The following GBE1 variants were observed in gnomAD, a reference collection of about 807,000 sequenced individuals.
GBE1 encodes 1,4-alpha-glucan branching enzyme 1.
Under a neutral mutation model 88.8 loss-of-function variants are expected in GBE1, and 70 were observed. That is an observed-to-expected ratio of 0.79 (90% confidence interval 0.65 to 0.96). The LOEUF (loss-of-function observed/expected upper bound fraction) is 0.96, where lower values mean the gene tolerates loss of function less well. GBE1 is among the 40% of genes least tolerant of loss of function. The pLI, the probability that GBE1 is intolerant of heterozygous loss-of-function variation, is 0.00. For synonymous variants in GBE1, 284 were observed against 300.1 expected (o/e 0.95, Z 0.56); for missense variants, 872 against 871.0 (o/e 1.00, Z -0.01).
At chr3:81,665,553 G>C (rs1167881650) in intron 3 of GBE1, among the ~76,000 whole-genome samples, 1 of 141,582 alleles carries the variant, frequency 7.1e-6, no homozygotes, top group South Asian at 2.2e-4. Context: ...AAAAAAAAAA[G>C]ACATGAGACT....
At chr3:81,638,302 G>GGAGGAAAAA (rs1338218119) in intron 7 of GBE1, among the ~76,000 whole-genome samples, 1 of 152,040 alleles carries the variant, frequency 6.6e-6, no homozygotes, top group African/African-American at 2.4e-5. Flanking sequence ...ATAAGTTTAA[G>GGAGGAAAAA]GAGGAAAAAC....
intron 7 of GBE1, among the ~76,000 whole-genome samples, chr3:81,609,457 T>C (rs1704144001): frequency 6.6e-6 from 1 of 152,168 alleles, no homozygotes. Flanking sequence ...TAAAGTCAGA[T>C]TTTACTCTCA....
chr3:81,511,584 T>G (rs1456975557), intron 14 of GBE1, among the ~76,000 whole-genome samples: 1 of 151,494 alleles, frequency 6.6e-6, no homozygotes, highest in Non-Finnish European at 1.5e-5. Context: ...ATGAAAAAAA[T>G]GCTCAACATC....
intron 1 of GBE1, among the ~76,000 whole-genome samples, chr3:81,732,781 T>C (rs1359665596): frequency 2.6e-5 from 4 of 152,128 alleles, no homozygotes; most frequent in Non-Finnish European, 4.4e-5. Context: ...AAGTCATAAG[T>C]TCATGTCATT....
intron 12 of GBE1, among the ~76,000 whole-genome samples, chr3:81,543,388 G>A (rs1009544942): frequency 3.9e-5 from 6 of 152,012 alleles, no homozygotes; most frequent in Admixed American, 2.6e-4. Context: ...TAAGTTTAAT[G>A]TAGACAAACG....
chr3:81,675,418 C>T (rs1705238981), intron 2 of GBE1, among the ~76,000 whole-genome samples: 1 of 151,746 alleles, frequency 6.6e-6, no homozygotes. Context: ...TCTCAGAGAT[C>T]AAGGAATTTA....
chr3:81,746,346 T>C (rs1016283395), intron 1 of GBE1, among the ~76,000 whole-genome samples: 9 of 152,158 alleles, frequency 5.9e-5, no homozygotes, highest in African/African-American at 9.7e-5. Flanking sequence ...CACTGCAGCA[T>C]TGACTTCCCA....
At chr3:81,503,897 C>T (rs1426990193) in intron 14 of GBE1, among the ~76,000 whole-genome samples, 1 of 152,098 alleles carries the variant, frequency 6.6e-6, no homozygotes, top group Non-Finnish European at 1.5e-5. Flanking sequence ...GCAGACCATA[C>T]ATATAGGAAG....
intron 1 of GBE1, among the ~76,000 whole-genome samples, chr3:81,721,903 A>G (rs1434163228): frequency 6.6e-6 from 1 of 152,208 alleles, no homozygotes; most frequent in Non-Finnish European, 1.5e-5. Context: ...TCTGTATGTT[A>G]AAAATTCTGT....
chr3:81,621,689 C>A (rs1263260133), intron 7 of GBE1, among the ~76,000 whole-genome samples: 1 of 152,270 alleles, frequency 6.6e-6, no homozygotes, highest in South Asian at 2.1e-4. Context: ...CTTTACATCA[C>A]TCTCCTAGTC....
chr3:81,612,538 G>T, intron 7 of GBE1: 2 of 841,464 alleles, frequency 2.4e-6, no homozygotes, highest in Non-Finnish European at 2.0e-6. Context: ...CAAGCAGTGC[G>T]AACACTGGTG....
chr3:81,499,995 G>A (rs1036332817), intron 14 of GBE1, among the ~76,000 whole-genome samples: 1 of 151,922 alleles, frequency 6.6e-6, no homozygotes, highest in Non-Finnish European at 1.5e-5. Context: ...TTTTTGTTTT[G>A]ATTTCCTGGA....
intron 1 of GBE1, among the ~76,000 whole-genome samples, chr3:81,759,451 C>A (rs3772882): frequency 0.45 from 68,064 of 152,034 alleles, 16,318 homozygotes; most frequent in East Asian, 0.86. Context: ...AATGGATTAT[C>A]AGAAATAAAT....
intron 12 of GBE1, among the ~76,000 whole-genome samples, chr3:81,548,542 A>T (rs1159242276): frequency 6.6e-6 from 1 of 151,304 alleles, no homozygotes; most frequent in Non-Finnish European, 1.5e-5. Flanking sequence ...TTGTTACATA[A>T]AATCATATGC....
chr3:81,679,978 C>T (rs928584632), intron 2 of GBE1, among the ~76,000 whole-genome samples: 1 of 152,132 alleles, frequency 6.6e-6, no homozygotes, highest in Non-Finnish European at 1.5e-5. Flanking sequence ...TCTATCTGGC[C>T]GCGCTTTCTC....
At chr3:81,727,915 C>T (rs925296498) in intron 1 of GBE1, among the ~76,000 whole-genome samples, 2 of 152,042 alleles carry the variant, frequency 1.3e-5, no homozygotes, top group African/African-American at 4.8e-5. Flanking sequence ...TGACACCTAG[C>T]CAGAATTGCC....
At chr3:81,618,708 G>T (rs1248473764) in intron 7 of GBE1, among the ~76,000 whole-genome samples, 1 of 152,040 alleles carries the variant, frequency 6.6e-6, no homozygotes, top group Non-Finnish European at 1.5e-5. Flanking sequence ...ATCTCCCTTT[G>T]TATTAAGAGG....
At chr3:81,497,832 T>G (rs1005820139) in intron 15 of GBE1, among the ~76,000 whole-genome samples, 1 of 152,208 alleles carries the variant, frequency 6.6e-6, no homozygotes, top group African/African-American at 2.4e-5. Flanking sequence ...CTCTTTTGAT[T>G]ATTTCAGAAC....
intron 14 of GBE1, among the ~76,000 whole-genome samples, chr3:81,527,810 G>A (rs1450860133): frequency 6.6e-6 from 1 of 152,058 alleles, no homozygotes; most frequent in Admixed American, 6.6e-5. Context: ...ACAGTGTGGC[G>A]ATTCCTCAGG....
Sources: allele counts gnomAD v4.1 joint callset (sites outside exome capture counted in the v4.1 genomes callset), GRCh38; gene constraint gnomAD v4.1.1; transcripts MANE v1.5; gene names NCBI Gene and HGNC (gene_info 2026-07-23, HGNC 2026-07-21).